The following AGTPBP1 variants were observed in gnomAD, a reference collection of about 807,000 sequenced individuals.
AGTPBP1 encodes ATP/GTP binding carboxypeptidase 1.
In AGTPBP1, 70 loss-of-function variants were observed where a neutral mutation model predicts 143.9. That is an observed-to-expected ratio of 0.49 (90% confidence interval 0.40 to 0.59). The LOEUF (loss-of-function observed/expected upper bound fraction) is 0.59. AGTPBP1 is among the 20% of genes least tolerant of loss of function. The pLI is 0.00. For missense variants in AGTPBP1, 1,229 were observed against 1,464.5 expected, an observed-to-expected ratio of 0.84 and a Z score of 2.62; for synonymous variants, 463 against 500.2, an observed-to-expected ratio of 0.93 and a Z score of 0.99.
chr9:85,575,474 C>T lies in AGTPBP1; in HGVS notation c.3344G>A (p.Gly1115Asp), dbSNP rs1827840440. Residue 1115 changes from glycine (G) to aspartate (D), a missense_variant and splice_region_variant, in exon 25 of 26, where the codon GGT becomes GAT. Physicochemically the swap from Gly to Asp is moderately conservative, Grantham distance 94. Around this residue, in one of 2 missense-constraint regions of AGTPBP1, gnomAD observed 486 missense variants for 652.3 expected, o/e 0.75. Transcript: ENST00000357081. ...CAGTTCTCGGGTACCAATCTGTAAA[C>T]CCTTGAAATAAACAAATATTATGCA... is the stretch of plus-strand genomic sequence containing the variant. ...LCGCDQGKYK[G>D]LQIGTRELEE... 3 of 1,596,620 alleles carry T rather than the reference C, an allele frequency of 1.9e-6. No individual in the cohort carries two copies. The highest frequency in any genetic ancestry group is 2.3e-5 in the East Asian group (1 of 44,112).
At chr9:85,699,051 T>C (rs1183784336) in intron 2 of AGTPBP1, among the ~76,000 whole-genome samples, 4 of 152,154 alleles carry the variant, frequency 2.6e-5, no homozygotes, top group South Asian at 2.1e-4. Flanking sequence ...CAGTGTTATA[T>C]ATGTAACAGT....
intron 8 of AGTPBP1, among the ~76,000 whole-genome samples, chr9:85,663,688 C>T (rs1300224978): frequency 6.6e-6 from 1 of 151,064 alleles, no homozygotes; most frequent in Non-Finnish European, 1.5e-5. Flanking sequence ...ACACTTATCA[C>T]AATAGTATTC....
At chr9:85,621,706 T>C (rs2133561538) in intron 14 of AGTPBP1, among the ~76,000 whole-genome samples, 1 of 152,304 alleles carries the variant, frequency 6.6e-6, no homozygotes, top group Middle Eastern at 3.4e-3. Context: ...CCCACCTGGC[T>C]GGAATTTAGC....
chr9:85,656,964 C>T (rs145884389), intron 10 of AGTPBP1, among the ~76,000 whole-genome samples: 2 of 151,266 alleles, frequency 1.3e-5, no homozygotes, highest in African/African-American at 4.9e-5. Context: ...ATTTCTACTT[C>T]TTCCTTTTGC....
chr9:85,677,046 G>A (rs1461899867), intron 6 of AGTPBP1, among the ~76,000 whole-genome samples: 1 of 152,174 alleles, frequency 6.6e-6, no homozygotes, highest in Non-Finnish European at 1.5e-5. Context: ...GTAATGGAGA[G>A]CGGGAGATAA....
intron 14 of AGTPBP1, among the ~76,000 whole-genome samples, chr9:85,625,130 CAT>C (rs1831191015): frequency 6.6e-6 from 1 of 152,212 alleles, no homozygotes; most frequent in African/African-American, 2.4e-5. Context: ...TGCACACAGA[CAT>C]GTGAGATTTG....
At chr9:85,643,649 T>G (rs1232755625) in intron 12 of AGTPBP1, among the ~76,000 whole-genome samples, 1 of 152,178 alleles carries the variant, frequency 6.6e-6, no homozygotes, top group Non-Finnish European at 1.5e-5. Context: ...CCAGAAATGA[T>G]TTCCATGTCT....
rs139467255 is a variant in AGTPBP1, at chr9:85,673,695, T to C, written c.437-1014A>G. Reference sequence around the variant, plus strand: ...GAGGGGTGAAGGTTGAAAAATTACCTGTTAGCTACAATGTTCACTATTCAG... The same window carrying C: ...GAGGGGTGAAGGTTGAAAAATTACCCGTTAGCTACAATGTTCACTATTCAG... On this transcript the variant is annotated intron_variant, in intron 6 of 25. Transcript: ENST00000357081. 5.1e-4 allele frequency among the ~76,000 whole-genome samples: 77 copies of C among 152,292 alleles called. 1 individual carries two copies. In the East Asian group the frequency reaches 0.011, roughly 23 times the overall value.
At chr9:85,620,570 T>C (rs1220187953) in intron 15 of AGTPBP1, among the ~76,000 whole-genome samples, 3 of 152,096 alleles carry the variant, frequency 2.0e-5, no homozygotes, top group Non-Finnish European at 4.4e-5. Flanking sequence ...GACTAAATAA[T>C]AGTCAAACTC....
At chr9:85,580,377 G>T (rs955126167) in intron 23 of AGTPBP1, among the ~76,000 whole-genome samples, 1 of 151,672 alleles carries the variant, frequency 6.6e-6, no homozygotes, top group African/African-American at 2.4e-5. Flanking sequence ...GGCTTAGAAA[G>T]ATTTTTTTTC....
At chr9:85,622,946 A>T (rs1333682523) in intron 14 of AGTPBP1, among the ~76,000 whole-genome samples, 1 of 152,230 alleles carries the variant, frequency 6.6e-6, no homozygotes, top group Admixed American at 6.5e-5. Flanking sequence ...TGCCACAAAT[A>T]TGTAAAAATT....
At chr9:85,766,096 T>A in the AGTPBP1 span, among the ~76,000 whole-genome samples, 1 of 150,146 alleles carries the variant, frequency 6.7e-6, no homozygotes, top group South Asian at 2.1e-4. Flanking sequence ...TGCCTGTGAC[T>A]ATTACTAAGC....
rs1268527366 is a variant in AGTPBP1 at position 85,632,819 on chromosome 9, C to T, written c.1858G>A (p.Asp620Asn). 1 of 1,614,056 alleles carries T rather than the reference C, an allele frequency of 6.2e-7. No individual in the cohort carries two copies. The highest frequency in any genetic ancestry group is 1.1e-5 in the South Asian group (1 of 91,090). The change falls in exon 14 of 26, where the codon GAT becomes AAT. Residue 620 changes from aspartate (D) to asparagine (N), a missense_variant. Physicochemically the swap from Asp to Asn is conservative, Grantham distance 23. Around this residue, in one of 2 missense-constraint regions of AGTPBP1, gnomAD observed 743 missense variants for 812.2 expected, o/e 0.91. Transcript: ENST00000357081. ...SVEQASVEVPDGPTLHDPDLY... is the reference protein window; with the variant it reads ...SVEQASVEVPNGPTLHDPDLY... Reference sequence around the variant, plus strand: ...TCTGGGTCATGGAGTGTTGGTCCATCAGGTACTTCAACCGATGCTTGTTCT... The same window carrying T: ...TCTGGGTCATGGAGTGTTGGTCCATTAGGTACTTCAACCGATGCTTGTTCT...
chr9:85,792,675 C>CA, the AGTPBP1 span, among the ~76,000 whole-genome samples: 13 of 152,234 alleles, frequency 8.5e-5, no homozygotes, highest in Admixed American at 3.9e-4. Context: ...TCATATTTTT[C>CA]AAATGAAACA....
At chr9:85,679,344 T>C (rs1250027172) in intron 4 of AGTPBP1, among the ~76,000 whole-genome samples, 2 of 152,214 alleles carry the variant, frequency 1.3e-5, no homozygotes, top group African/African-American at 4.8e-5. Flanking sequence ...GAACTGAGCA[T>C]AGCCTTTACA....
chr9:85,785,161 C>T, the AGTPBP1 span, among the ~76,000 whole-genome samples: 1 of 151,892 alleles, frequency 6.6e-6, no homozygotes, highest in Admixed American at 6.6e-5. Context: ...GGTGAAACCC[C>T]ATCTCTACTA....
At chr9:85,616,774 T>C (rs1830625609) in intron 17 of AGTPBP1, among the ~76,000 whole-genome samples, 1 of 151,988 alleles carries the variant, frequency 6.6e-6, no homozygotes, top group East Asian at 1.9e-4. Context: ...TTAAAGTTAA[T>C]TGAAAGTTTA....
At chr9:85,597,349 A>G (rs1210884363) in intron 17 of AGTPBP1, among the ~76,000 whole-genome samples, 1 of 151,980 alleles carries the variant, frequency 6.6e-6, no homozygotes, top group East Asian at 1.9e-4. Context: ...AAAATATTTT[A>G]TCTCCTCTTC....
the AGTPBP1 span, among the ~76,000 whole-genome samples, chr9:85,799,800 T>C: frequency 1.3e-5 from 2 of 152,118 alleles, no homozygotes; most frequent in East Asian, 3.9e-4. Flanking sequence ...TTACAGGTGT[T>C]AGCCAGTGCG....
Sources: gnomAD v4.1 joint callset for allele counts (sites outside exome capture counted in the v4.1 genomes callset) on GRCh38, gnomAD v4.1.1 for gene constraint, gnomAD v4.1.1 regional missense constraint, MANE v1.5 for transcripts, NCBI Gene and HGNC (gene_info 2026-07-23, HGNC 2026-07-21) for gene names.